DLG2: variants seen among roughly 807,000 people sequenced by gnomAD.
DLG2 encodes disks large homolog 2.
DLG2 carries 45 observed loss-of-function variants against 132.5 expected under a neutral mutation model. The observed-to-expected ratio is 0.34, with a 90% CI of 0.27 to 0.44. The LOEUF is 0.44. Among genes scored for constraint, DLG2 ranks in the 20% least tolerant of loss-of-function variants. The pLI, the probability that DLG2 is intolerant of heterozygous loss-of-function variation, is 1.00. For synonymous variants in DLG2, 424 were observed against 419.6 expected (o/e 1.01, Z -0.13); for missense variants, 1,045 against 1,196.9 (o/e 0.87, Z 1.87).
chr11:84,665,639 G>A (rs919642492), intron 6 of DLG2, among the ~76,000 whole-genome samples: 30 of 152,008 alleles, frequency 2.0e-4, no homozygotes, highest in African/African-American at 6.5e-4. Flanking sequence ...TCTTGAAGAC[G>A]GTTGCTTCTT....
In DLG2 at chr11:83,887,881, C is replaced by T. The variant is rs2068412572; in HGVS notation, c.1497-13393G>A. Among the ~76,000 whole-genome samples, 3 of 150,818 alleles carry T rather than the reference C, an allele frequency of 2.0e-5. No individual in the cohort carries two copies. The South Asian group carries it at 6.4e-4, about 32-fold the overall frequency. The stretch of plus-strand genomic sequence containing the variant: ...TTATCTCAATAGATGCAGAAAAGGC[C>T]TTTGACAAAATTCAACAACGCTTCA... On this transcript the variant is annotated intron_variant, in intron 15 of 27. Transcript: ENST00000376104.
intron 3 of DLG2, among the ~76,000 whole-genome samples, chr11:85,550,289 C>T (rs2076584561): frequency 6.6e-6 from 1 of 152,232 alleles, no homozygotes; most frequent in Admixed American, 6.5e-5. Flanking sequence ...AACACCTAAG[C>T]CATAGTGGAT....
chr11:84,376,586 A>G (rs2098729886), intron 7 of DLG2, among the ~76,000 whole-genome samples: 1 of 151,920 alleles, frequency 6.6e-6, no homozygotes, highest in Non-Finnish European at 1.5e-5. Flanking sequence ...TGAACCCAAG[A>G]AATACGAAAC....
chr11:84,242,480 A>C (rs1427685551), intron 8 of DLG2, among the ~76,000 whole-genome samples: 1 of 151,358 alleles, frequency 6.6e-6, no homozygotes, highest in Non-Finnish European at 1.5e-5. Context: ...ATCCCGGCTC[A>C]CTGCAACTGC....
intron 6 of DLG2, among the ~76,000 whole-genome samples, chr11:84,981,215 TCTAGAA>T (rs2055690038): frequency 1.3e-5 from 2 of 152,346 alleles, no homozygotes; most frequent in African/African-American, 4.8e-5. Flanking sequence ...ATAATTTTTC[TCTAGAA>T]TAAATATATT....
chr11:84,235,849 C>T (rs537147179), intron 8 of DLG2, among the ~76,000 whole-genome samples: 23 of 152,014 alleles, frequency 1.5e-4, no homozygotes, highest in Non-Finnish European at 2.8e-4. Flanking sequence ...AATCTCTTTG[C>T]CTACAACTTC....
At chr11:84,156,847 TC>T (rs2095439009) in intron 9 of DLG2, among the ~76,000 whole-genome samples, 1 of 152,214 alleles carries the variant, frequency 6.6e-6, no homozygotes. Flanking sequence ...ATTAAAGTTG[TC>T]TAATAGTGGC....
chr11:83,643,583 T>G (rs1188844600), intron 18 of DLG2: 1 of 152,176 alleles, frequency 6.6e-6, no homozygotes, highest in East Asian at 1.9e-4. Flanking sequence ...TCTTGTTCTT[T>G]TATATAAAAA....
At chr11:84,122,600 C>T (rs930074991) in intron 9 of DLG2, among the ~76,000 whole-genome samples, 15 of 152,016 alleles carry the variant, frequency 9.9e-5, no homozygotes, top group Admixed American at 7.2e-4. Flanking sequence ...AAAAAGTTGT[C>T]GGGCTGTGTT....
chr11:84,570,692 G>A (rs1231503358), intron 6 of DLG2, among the ~76,000 whole-genome samples: 1 of 152,132 alleles, frequency 6.6e-6, no homozygotes, highest in Non-Finnish European at 1.5e-5. Flanking sequence ...GCCCATCACA[G>A]AAGACAGTTC....
chr11:83,561,883 C>CTTTTTT (rs66514406), intron 19 of DLG2, among the ~76,000 whole-genome samples: 163 of 87,918 alleles, frequency 1.9e-3, no homozygotes, highest in African/African-American at 2.9e-3. Flanking sequence ...GTATTTCTTT[C>CTTTTTT]TTTTTTTTTT....
chr11:85,120,089 T>G lies in DLG2; in HGVS notation c.283-8354A>C, dbSNP rs551756431. The stretch of plus-strand genomic sequence containing the variant: ...TACACATGGAATGCCACCAAGTTAA[T>G]TGTACAGAGCTTTCTCTTATCGGAG... On this transcript the variant is annotated intron_variant, in intron 5 of 27. Transcript: ENST00000376104. 3.3e-5 allele frequency among the ~76,000 whole-genome samples: 5 copies of G among 152,204 alleles called. No individual in the cohort carries two copies. The South Asian group carries it at 1.0e-3, about 31-fold the overall frequency.
chr11:83,747,889 G>T (rs984232732), intron 18 of DLG2, among the ~76,000 whole-genome samples: 3 of 151,960 alleles, frequency 2.0e-5, no homozygotes, highest in Non-Finnish European at 4.4e-5. Flanking sequence ...CACTCATATA[G>T]AGCTTTCTAT....
intron 6 of DLG2, among the ~76,000 whole-genome samples, chr11:84,686,630 G>GTTTTTTTTTTTTTTTTTTTTTT (rs60618412): frequency 8.8e-6 from 1 of 113,806 alleles, no homozygotes; most frequent in South Asian, 3.1e-4. Context: ...TGGCCTTGAG[G>GTTTTTTTTTTTTTTTTTTTTTT]TTTTTTTTTT....
At chr11:83,881,265 A>T (rs2066185039) in intron 15 of DLG2, among the ~76,000 whole-genome samples, 1 of 152,162 alleles carries the variant, frequency 6.6e-6, no homozygotes, top group African/African-American at 2.4e-5. Flanking sequence ...CTTAGAGTCC[A>T]CTGAACCTCT....
intron 18 of DLG2, among the ~76,000 whole-genome samples, chr11:83,698,641 A>G (rs2082321350): frequency 6.6e-6 from 1 of 152,234 alleles, no homozygotes; most frequent in African/African-American, 2.4e-5. Context: ...TAAAACAGGT[A>G]TAATAATTGT....
At chr11:85,534,396 G>T (rs956735457) in intron 3 of DLG2, among the ~76,000 whole-genome samples, 2 of 151,768 alleles carry the variant, frequency 1.3e-5, no homozygotes, top group African/African-American at 4.8e-5. Context: ...TGTCACCCGG[G>T]TATATTGTGT....
chr11:83,587,816 T>C (rs918522136), intron 19 of DLG2, among the ~76,000 whole-genome samples: 23 of 152,250 alleles, frequency 1.5e-4, no homozygotes, highest in Admixed American at 3.3e-4. Context: ...GGGCGAGGCA[T>C]TGCCTCACTT....
chr11:85,033,966 C>A (rs1450912636), intron 6 of DLG2, among the ~76,000 whole-genome samples: 1 of 152,026 alleles, frequency 6.6e-6, no homozygotes, highest in East Asian at 1.9e-4. Context: ...GAGATTTGGT[C>A]TTTACAGGTA....
Sources: allele counts gnomAD v4.1 joint callset (sites outside exome capture counted in the v4.1 genomes callset), GRCh38; gene constraint gnomAD v4.1.1; transcripts MANE v1.5; gene names NCBI Gene and HGNC (gene_info 2026-07-23, HGNC 2026-07-21).